The following KDM5A variants were observed in gnomAD, a reference collection of about 807,000 sequenced individuals.
KDM5A encodes the protein lysine demethylase 5A.
A neutral mutation model predicts 193.5 loss-of-function variants in KDM5A; 42 were observed. The observed-to-expected ratio is 0.22, with a 90% CI of 0.17 to 0.28. The LOEUF (loss-of-function observed/expected upper bound fraction) is 0.28, where lower values mean the gene tolerates loss of function less well. KDM5A is among the 10% of genes least tolerant of loss of function. The pLI is 1.00. For missense variants in KDM5A, 1,692 were observed against 2,055.1 expected, an observed-to-expected ratio of 0.82 and a Z score of 3.42; for synonymous variants, 796 against 718.1, an observed-to-expected ratio of 1.11 and a Z score of -1.73.
At chr12:340,694 CAAAAAA>C (rs375465074) in intron 10 of KDM5A, among the ~76,000 whole-genome samples, 3 of 51,128 alleles carry the variant, frequency 5.9e-5, no homozygotes, top group African/African-American at 1.2e-4. Flanking sequence ...GACTCCATCA[CAAAAAA>C]AAAAAAAAAA....
chr12:304,764 C>T (rs541747251), intron 24 of KDM5A, among the ~76,000 whole-genome samples: 34 of 152,246 alleles, frequency 2.2e-4, no homozygotes, highest in African/African-American at 7.9e-4. Context: ...ATCATCAATA[C>T]TTGTGATGTT....
intron 14 of KDM5A, among the ~76,000 whole-genome samples, chr12:325,498 G>A (rs1017657435): frequency 7.4e-6 from 1 of 134,846 alleles, no homozygotes. Flanking sequence ...GCTTGATGGT[G>A]AAACTTTGTC....
intron 10 of KDM5A, among the ~76,000 whole-genome samples, chr12:349,037 T>G (rs943255970): frequency 1.4e-5 from 2 of 148,140 alleles, no homozygotes; most frequent in African/African-American, 5.0e-5. Context: ...TTTTTTTTTT[T>G]GAGATACTGT....
intron 3 of KDM5A, among the ~76,000 whole-genome samples, chr12:368,446 C>T (rs1944384013): frequency 6.6e-6 from 1 of 152,106 alleles, no homozygotes; most frequent in African/African-American, 2.4e-5. Context: ...AGTTATATGA[C>T]CTTGGCCAGG....
chr12:369,570 C>T (rs1394265937), intron 3 of KDM5A, among the ~76,000 whole-genome samples: 1 of 151,968 alleles, frequency 6.6e-6, no homozygotes, highest in Admixed American at 6.6e-5. Context: ...AAGTATTAAA[C>T]GATTGCAAAA....
At position 295,604 on chromosome 12, in the gene KDM5A, G is replaced by T. The variant is rs1325647966; in HGVS notation, c.4424C>A (p.Pro1475His). Reference protein sequence around the residue: ...IWRILQATHPPSEDRFLHIME... With the variant: ...IWRILQATHPHSEDRFLHIME... ...GATATGCAAGAATCTGTCTTCAGAG[G>T]GTGGGTGTGTGGCCTGCAAAATCCG... Residue 1475 changes from proline to histidine, a missense_variant, in exon 26 of 28, where the codon CCC becomes CAC. Physicochemically the swap from Pro to His is moderately conservative, Grantham distance 77 (BLOSUM62 -2). Transcript: ENST00000399788. 1.9e-6 allele frequency: 3 copies of T among 1,614,070 alleles called. No homozygotes were observed. The highest frequency in any genetic ancestry group is 1.7e-6 in the Non-Finnish European group (2 of 1,179,954).
intron 1 of KDM5A, 100 bp downstream of exon 1, chr12:388,827 A>G (rs35241668): frequency 0.014 from 19,628 of 1,361,780 alleles, 201 homozygotes; most frequent in Non-Finnish European, 0.017. Flanking sequence ...AAAAGAGAGT[A>G]CATATGAAAC....
intron 7 of KDM5A, among the ~76,000 whole-genome samples, chr12:354,714 C>G (rs1026293423): frequency 6.6e-6 from 1 of 152,014 alleles, no homozygotes; most frequent in Non-Finnish European, 1.5e-5. Context: ...TTGCAGTGAG[C>G]CGAGATCGCA....
intron 1 of KDM5A, chr12:387,235 A>C (rs1206959861): frequency 2.7e-6 from 1 of 367,546 alleles, no homozygotes; most frequent in East Asian, 9.3e-5. Context: ...TCAAAAAAAA[A>C]AAAAAGTCTT....
At chr12:330,042 T>C (rs1420653901) in intron 13 of KDM5A, among the ~76,000 whole-genome samples, 7 of 147,468 alleles carry the variant, frequency 4.7e-5, no homozygotes, top group Non-Finnish European at 1.0e-4. Flanking sequence ...GAAAAAACTT[T>C]CCAAAGGAAA....
chr12:348,462 G>A (rs1033363673), intron 10 of KDM5A, among the ~76,000 whole-genome samples: 1 of 152,094 alleles, frequency 6.6e-6, no homozygotes, highest in Non-Finnish European at 1.5e-5. Flanking sequence ...ACGTTCACAC[G>A]TATGTTTATT....
At chr12:325,994 G>A (rs1455980864) in intron 14 of KDM5A, among the ~76,000 whole-genome samples, 1 of 152,168 alleles carries the variant, frequency 6.6e-6, no homozygotes, top group African/African-American at 2.4e-5. Flanking sequence ...AACCTGGGTG[G>A]CAGAGTGAGA....
At chr12:333,408 G>A in intron 12 of KDM5A, 79 bp downstream of exon 12, 1 of 1,489,974 alleles carries the variant, frequency 6.7e-7, no homozygotes, top group Non-Finnish European at 9.3e-7. Flanking sequence ...AACAGAGCAA[G>A]ACCCTGTTTC....
Position 301,991 on chromosome 12 carries a change from A to T in KDM5A, c.4075-4791T>A, listed in dbSNP as rs557633033. Among the ~76,000 whole-genome samples, 277 of 152,316 alleles carry T rather than the reference A, an allele frequency of 1.8e-3. 1 individual carries two copies. Among genetic ancestry groups the T allele is most frequent in the Non-Finnish European group, 2.8e-3 (191 of 68,016 alleles). ...GGATGTGAAGGACCTCTTCAAGGAG[A>T]ACTACAAACCACTGCTCAACGAAAT... On this transcript the variant is annotated intron_variant, in intron 24 of 27. Coordinates refer to ENST00000399788, the MANE Select transcript of KDM5A (RefSeq NM_001042603.3).
chr12:314,582 G>C (rs1591908762), intron 19 of KDM5A, among the ~76,000 whole-genome samples: 1 of 152,168 alleles, frequency 6.6e-6, no homozygotes, highest in East Asian at 1.9e-4. Context: ...AAGTAAAAGT[G>C]CTATTGGAAT....
chr12:328,529 C>G (rs1943821654), intron 14 of KDM5A, among the ~76,000 whole-genome samples: 1 of 149,806 alleles, frequency 6.7e-6, no homozygotes, highest in Non-Finnish European at 1.5e-5. Context: ...ACAGAAAGCT[C>G]AGAAAAAAAA....
chr12:368,765 C>A (rs1944388592), intron 3 of KDM5A, among the ~76,000 whole-genome samples: 1 of 152,098 alleles, frequency 6.6e-6, no homozygotes, highest in African/African-American at 2.4e-5. Flanking sequence ...AGTTACATGA[C>A]CCTGGCAAAG....
intron 6 of KDM5A, among the ~76,000 whole-genome samples, chr12:355,766 T>G (rs1944223284): frequency 6.6e-6 from 1 of 152,226 alleles, no homozygotes; most frequent in African/African-American, 2.4e-5. Flanking sequence ...CTGAATTGTA[T>G]GACTTTACAC....
Position 323,099 on chromosome 12 carries a change from T to C in KDM5A, c.2258A>G (p.Asn753Ser). The stretch of plus-strand genomic sequence containing the variant: ...AATTTAACCTTTTTTGTGGTTGAAG[T>C]TAGCAGACAATGCTTCTGTAACACG... ...VSRVTEALSA[N>S]FNHKKDLIEL... Residue 753 changes from asparagine to serine, a missense_variant, in exon 16 of 28, where the codon AAC becomes AGC. Physicochemically the swap from Asn to Ser is conservative, Grantham distance 46. Coordinates refer to ENST00000399788, the MANE Select transcript of KDM5A (RefSeq NM_001042603.3). 1 of 1,612,232 alleles carries C rather than the reference T, an allele frequency of 6.2e-7. No individual in the cohort carries two copies. Among genetic ancestry groups the C allele is most frequent in the Non-Finnish European group, 8.5e-7 (1 of 1,179,624 alleles).
Sources: allele counts gnomAD v4.1 joint callset (sites outside exome capture counted in the v4.1 genomes callset), GRCh38; gene constraint gnomAD v4.1.1; transcripts MANE v1.5; gene names NCBI Gene and HGNC (gene_info 2026-07-23, HGNC 2026-07-21).